DCP2: variants seen among roughly 807,000 people sequenced by gnomAD.
DCP2 encodes m7GpppN-mRNA hydrolase.
DCP2 carries 30 observed loss-of-function variants against 56.1 expected under a neutral mutation model. The observed-to-expected ratio is 0.53, with a 90% CI of 0.40 to 0.73. The LOEUF (loss-of-function observed/expected upper bound fraction) is 0.73. Among genes scored for constraint, DCP2 ranks in the 30% least tolerant of loss-of-function variants. The pLI, the probability that DCP2 is intolerant of heterozygous loss-of-function variation, is 0.00. For missense variants in DCP2, 533 were observed against 502.7 expected (o/e 1.06, Z -0.58); for synonymous variants, 197 against 163.3 (o/e 1.21, Z -1.57).
chr5:113,001,553 T>G lies in DCP2; in HGVS notation c.699-14T>G. 6.2e-7 allele frequency: 1 copy of G among 1,613,158 alleles called. No homozygotes were observed. Reference sequence around the variant, plus strand: ...TAGCCATATTTTGAAAGTGAATTCTTAATGTTTCTGCAGACCATTAAGGGA... The same window carrying G: ...TAGCCATATTTTGAAAGTGAATTCTGAATGTTTCTGCAGACCATTAAGGGA... On this transcript the variant is annotated splice_polypyrimidine_tract_variant and intron_variant, in intron 6 of 10. Transcript: ENST00000389063.
intron 3 of DCP2, 61 bp downstream of exon 3, chr5:112,992,309 T>G (rs1308175343): frequency 4.5e-6 from 7 of 1,561,590 alleles, no homozygotes; most frequent in Non-Finnish European, 4.3e-6. Flanking sequence ...TTAACAAAAT[T>G]TGTTATTGAT....
chr5:112,998,586 A>G (rs963276638), intron 4 of DCP2, among the ~76,000 whole-genome samples: 5 of 152,244 alleles, frequency 3.3e-5, no homozygotes, highest in African/African-American at 1.2e-4. Flanking sequence ...CACAAAGTAC[A>G]TAGTTGAGTG....
In DCP2 at chr5:113,001,269, C is replaced by G. The variant is rs754305101; in HGVS notation, c.585+33C>G. On this transcript the variant is annotated intron_variant, in intron 5 of 10. Transcript: ENST00000389063. ...ACAAGAGTATTTTCAGGTTACTGGA[C>G]AGTATCCCAAATGAATAAGTAGGGA... 8 of 1,604,938 alleles carry G rather than the reference C, an allele frequency of 5.0e-6. No individual in the cohort carries two copies. In the South Asian group the frequency reaches 9.0e-5, roughly 18 times the overall value.
intron 4 of DCP2, 38 bp downstream of exon 4, chr5:112,992,808 A>G (rs760648779): frequency 5.3e-6 from 8 of 1,500,428 alleles, no homozygotes; most frequent in Non-Finnish European, 7.1e-6. Flanking sequence ...AAATTTGGCT[A>G]TTAGGGTCTG....
rs930710647 is a variant in DCP2, at chr5:113,014,101, T to G, written c.*617T>G. ...AACTCAGCGCTTCAAAAGGACAAAG[T>G]CTGTAGCCTGGAGGGGCTTGAGTGG... On this transcript the variant is annotated 3_prime_UTR_variant, in exon 11 of 11. Coordinates refer to ENST00000389063, the MANE Select transcript of DCP2 (RefSeq NM_152624.6). The G allele has an allele frequency of 3.3e-5, 5 of 152,308 alleles. No homozygotes were observed. Among genetic ancestry groups the G allele is most frequent in the Non-Finnish European group, 5.9e-5 (4 of 68,132 alleles). The allele number at this position is 152,308 out of a possible 1,614,324, so 9.4% of individuals were successfully genotyped here.
intron 8 of DCP2, 62 bp from the exon 9 acceptor site, chr5:113,007,875 TA>T (rs1469213588): frequency 1.4e-6 from 2 of 1,394,052 alleles, no homozygotes; most frequent in African/African-American, 1.5e-5. Context: ...ATTCATGGGG[TA>T]TTTTTTTTGT....
intron 2 of DCP2, among the ~76,000 whole-genome samples, chr5:112,989,953 T>C (rs1748505274): frequency 6.6e-6 from 1 of 152,132 alleles, no homozygotes; most frequent in African/African-American, 2.4e-5. Context: ...TGAGGAGAAG[T>C]AGAAGAAAGG....
intron 9 of DCP2, among the ~76,000 whole-genome samples, chr5:113,009,868 TATA>T (rs957085838): frequency 2.7e-5 from 4 of 150,376 alleles, no homozygotes; most frequent in African/African-American, 5.0e-5. Context: ...GCTAGAAAAA[TATA>T]ATACTAATTA....
intron 2 of DCP2, among the ~76,000 whole-genome samples, chr5:112,987,599 C>G (rs1214569069): frequency 3.4e-5 from 5 of 145,906 alleles, no homozygotes; most frequent in Non-Finnish European, 6.0e-5. Flanking sequence ...ACTACAGGTG[C>G]AAGCCACCAC....
intron 8 of DCP2, among the ~76,000 whole-genome samples, chr5:113,004,334 A>G (rs2150186220): frequency 6.6e-6 from 1 of 152,366 alleles, no homozygotes; most frequent in Admixed American, 6.5e-5. Context: ...ATTTAAAAAT[A>G]AGTCATAAGG....
chr5:112,988,664 G>A (rs1748426495), intron 2 of DCP2, among the ~76,000 whole-genome samples: 1 of 152,166 alleles, frequency 6.6e-6, no homozygotes, highest in South Asian at 2.1e-4. Flanking sequence ...TTGATTAAAT[G>A]TGTAGAAGTT....
intron 7 of DCP2, among the ~76,000 whole-genome samples, chr5:113,002,254 C>G (rs1430387655): frequency 1.3e-5 from 2 of 151,942 alleles, no homozygotes; most frequent in Admixed American, 1.3e-4. Flanking sequence ...GAAACCCCAT[C>G]TCTACTAGAA....
intron 7 of DCP2, 98 bp downstream of exon 7, chr5:113,001,772 CT>C: frequency 9.1e-7 from 1 of 1,093,370 alleles, no homozygotes; most frequent in East Asian, 2.4e-5. Context: ...TGTAAGATTT[CT>C]TTTTATAGAT....
intron 9 of DCP2, among the ~76,000 whole-genome samples, chr5:113,008,848 A>G (rs912052191): frequency 1.4e-5 from 2 of 138,948 alleles, no homozygotes; most frequent in African/African-American, 5.4e-5. Context: ...TAGACAGATA[A>G]CTTTTTTTTT....
intron 4 of DCP2, among the ~76,000 whole-genome samples, chr5:113,000,056 C>CT: frequency 1.0e-5 from 1 of 98,282 alleles, no homozygotes; most frequent in Admixed American, 1.1e-4. Context: ...AGCGAAACTC[C>CT]ATCTCAAAAA....
rs988822949 is a variant in DCP2 at position 113,016,496 on chromosome 5, A to G, written c.*3012A>G. 5.3e-5 allele frequency: 8 copies of G among 152,352 alleles called. No homozygotes were observed. Among genetic ancestry groups the G allele is most frequent in the South Asian group, 2.1e-4 (1 of 4,828 alleles). The allele number at this position is 152,352 out of a possible 1,614,324, so 9.4% of individuals were successfully genotyped here. On this transcript the variant is annotated 3_prime_UTR_variant, in exon 11 of 11. Coordinates refer to ENST00000389063, the MANE Select transcript of DCP2 (RefSeq NM_152624.6). ...TAGTAAGTATAGCTAATGAAGACAT[A>G]TAATGAAAGTAATTTTATGCTGTAA...
intron 2 of DCP2, among the ~76,000 whole-genome samples, chr5:112,987,344 G>C (rs1045937070): frequency 6.6e-6 from 1 of 152,146 alleles, no homozygotes; most frequent in African/African-American, 2.4e-5. Flanking sequence ...ATTGAACAGC[G>C]TCCTCTCATG....
intron 2 of DCP2, among the ~76,000 whole-genome samples, chr5:112,987,758 G>A (rs573588899): frequency 7.3e-5 from 11 of 151,392 alleles, no homozygotes; most frequent in Admixed American, 7.2e-4. Context: ...ACAGGTATGA[G>A]CAACTGTGCC....
chr5:112,997,807 G>A (rs1471996124), intron 4 of DCP2, among the ~76,000 whole-genome samples: 1 of 152,034 alleles, frequency 6.6e-6, no homozygotes, highest in African/African-American at 2.4e-5. Context: ...TAGAGATGGG[G>A]TTTCACTATG....
Sources: allele counts gnomAD v4.1 joint callset (sites outside exome capture counted in the v4.1 genomes callset), GRCh38; gene constraint gnomAD v4.1.1; transcripts MANE v1.5; gene names NCBI Gene and HGNC (gene_info 2026-07-23, HGNC 2026-07-21).